The following PPP2R2A variants were observed in gnomAD, a reference collection of about 807,000 sequenced individuals.
PPP2R2A encodes protein phosphatase 2 regulatory subunit Balpha, also known as serine/threonine-protein phosphatase 2A 55 kDa regulatory subunit B alpha isoform.
A neutral mutation model predicts 53.2 loss-of-function variants in PPP2R2A; 9 were observed. That is an observed-to-expected ratio of 0.17 (90% CI 0.10 to 0.30). PPP2R2A has a LOEUF of 0.30. Among genes scored for constraint, PPP2R2A ranks in the 10% least tolerant of loss-of-function variants. The pLI is 1.00. For missense variants in PPP2R2A, 235 were observed against 534.6 expected, an observed-to-expected ratio of 0.44 and a Z score of 5.53; for synonymous variants, 169 against 174.2, an observed-to-expected ratio of 0.97 and a Z score of 0.23.
At chr8:26,293,967 C>T (rs1285937258) in intron 2 of PPP2R2A, 26 of 501,774 alleles carry the variant, frequency 5.2e-5, no homozygotes, top group Non-Finnish European at 8.2e-5. Context: ...ATGGAAGGAG[C>T]GGTAGATGAT....
At chr8:26,310,536 T>A (rs1479082790) in intron 2 of PPP2R2A, among the ~76,000 whole-genome samples, 3 of 152,072 alleles carry the variant, frequency 2.0e-5, no homozygotes. Flanking sequence ...GTATTTCATT[T>A]AGACATTTAG....
rs550860779 is a variant in PPP2R2A at position 26,362,268 on chromosome 8, G to A, written c.638-416G>A. The stretch of plus-strand genomic sequence containing the variant: ...GCACTTTGGGAGGCTGAGGCGAGGC[G>A]GATGGATCATGAGGTCAGGAGGTCG... On this transcript the variant is annotated intron_variant, in intron 6 of 9. Coordinates refer to ENST00000380737, the MANE Select transcript of PPP2R2A (RefSeq NM_002717.4). This position sits in a 1 kb window ranked among gnomAD's most constrained non-coding sequence, Gnocchi z 4.4. 2.6e-5 allele frequency among the ~76,000 whole-genome samples: 4 copies of A among 151,524 alleles called. No homozygotes were observed. The highest frequency in any genetic ancestry group is 4.4e-5 in the Non-Finnish European group (3 of 67,850).
At chr8:26,365,180 G>A (rs1805304515) in intron 8 of PPP2R2A, 1 of 152,080 alleles carries the variant, frequency 6.6e-6, no homozygotes, top group Non-Finnish European at 1.5e-5. Context: ...ATAAACAGTT[G>A]GAGTAGTGAT....
chr8:26,336,473 C>T (rs1016104067), intron 2 of PPP2R2A, among the ~76,000 whole-genome samples: 1 of 152,044 alleles, frequency 6.6e-6, no homozygotes, highest in Admixed American at 6.6e-5. Flanking sequence ...CACCCCACCC[C>T]TCAGTCTCAA....
In PPP2R2A at chr8:26,291,736, A is replaced by AC. The variant is rs1338406464; in HGVS notation, c.-77dup. 3.3e-5 allele frequency: 43 copies of AC among 1,309,960 alleles called. No individual in the cohort carries two copies. The highest frequency in any genetic ancestry group is 1.2e-4 in the South Asian group (7 of 57,498). 81.1% of individuals were successfully genotyped at this position (1,309,960 alleles called of 1,614,324 possible). A position where few individuals can be genotyped will look rare whatever the true frequency, so the allele number is the denominator to read the frequency against. ...CCATCCGCCGCCATCCGCCCTCTCT[A>AC]CCCCCCCATCCCCAGGTGAGGGGGG... On this transcript the variant is annotated 5_prime_UTR_variant, in exon 1 of 10. Coordinates refer to ENST00000380737, the MANE Select transcript of PPP2R2A (RefSeq NM_002717.4).
intron 2 of PPP2R2A, among the ~76,000 whole-genome samples, chr8:26,325,459 A>G (rs139821190): frequency 1.3e-5 from 2 of 152,028 alleles, no homozygotes; most frequent in African/African-American, 2.4e-5. Flanking sequence ...TTTCTTCCCA[A>G]TCTTGGGTAT....
At chr8:26,342,552 T>C (rs1282299145) in intron 3 of PPP2R2A, among the ~76,000 whole-genome samples, 1 of 152,154 alleles carries the variant, frequency 6.6e-6, no homozygotes, top group Non-Finnish European at 1.5e-5. Flanking sequence ...TCTGAGACTT[T>C]GTGATGTACC....
intron 2 of PPP2R2A, among the ~76,000 whole-genome samples, chr8:26,312,328 A>G (rs151028545): frequency 1.8e-4 from 28 of 152,352 alleles, no homozygotes; most frequent in African/African-American, 6.5e-4. Context: ...GTTAAAATAC[A>G]GATGATGATG....
At chr8:26,351,750 C>T (rs1804526275) in intron 3 of PPP2R2A, among the ~76,000 whole-genome samples, 1 of 152,136 alleles carries the variant, frequency 6.6e-6, no homozygotes, top group Non-Finnish European at 1.5e-5. Context: ...GTTTCTGGGC[C>T]ATCTGTTCTG....
intron 2 of PPP2R2A, among the ~76,000 whole-genome samples, chr8:26,327,746 T>C (rs896034560): frequency 1.3e-5 from 2 of 152,184 alleles, no homozygotes; most frequent in Non-Finnish European, 2.9e-5. Flanking sequence ...AAGAAATTGG[T>C]GCCTTTGAAA....
At chr8:26,343,566 T>A (rs973667955) in intron 3 of PPP2R2A, among the ~76,000 whole-genome samples, 4 of 152,064 alleles carry the variant, frequency 2.6e-5, no homozygotes, top group African/African-American at 9.7e-5. Flanking sequence ...GAGATGGGTT[T>A]TCACCATATT....
chr8:26,317,780 G>A (rs189969591), intron 2 of PPP2R2A, among the ~76,000 whole-genome samples: 25 of 152,248 alleles, frequency 1.6e-4, no homozygotes, highest in East Asian at 9.7e-4. Context: ...TCTCTCTCAC[G>A]TGACCATTGG....
intron 2 of PPP2R2A, among the ~76,000 whole-genome samples, chr8:26,330,070 A>AGC (rs1803289924): frequency 6.6e-6 from 1 of 152,134 alleles, no homozygotes; most frequent in East Asian, 1.9e-4. Flanking sequence ...CTTACGTTAG[A>AGC]GCACTTGATG....
chr8:26,358,876 A>T (rs190843632), intron 4 of PPP2R2A: 1 of 455,408 alleles, frequency 2.2e-6, no homozygotes, highest in African/African-American at 2.0e-5. Context: ...ACTCTTCCCT[A>T]CAGGGAGTAT....
chr8:26,307,765 A>C (rs1002128450), intron 2 of PPP2R2A, among the ~76,000 whole-genome samples: 3 of 152,204 alleles, frequency 2.0e-5, no homozygotes, highest in African/African-American at 2.4e-5. Context: ...ATCTCGTTTA[A>C]TCCTCTCACT....
In PPP2R2A at chr8:26,366,040, G is replaced by A. The variant is rs141083462; in HGVS notation, c.973-275G>A. On this transcript the variant is annotated intron_variant, in intron 8 of 9. Transcript: ENST00000380737. The stretch of plus-strand genomic sequence containing the variant: ...ACTGTGCCATTTTCAAGTGTTTTTG[G>A]CCTGAATGTTTTATTCAGGCTTATA... 3.8e-4 allele frequency: 114 copies of A among 301,264 alleles called. 1 individual carries two copies. The East Asian group carries it at 7.2e-3, about 19-fold the overall frequency. 18.7% of individuals were successfully genotyped at this position (301,264 alleles called of 1,614,324 possible).
intron 3 of PPP2R2A, among the ~76,000 whole-genome samples, chr8:26,340,615 A>G (rs551690495): frequency 5.3e-5 from 8 of 152,234 alleles, no homozygotes; most frequent in East Asian, 1.9e-4. Context: ...AAGTTTGTCA[A>G]TTAAAAGCTA....
intron 2 of PPP2R2A, among the ~76,000 whole-genome samples, chr8:26,327,415 C>T (rs1168951976): frequency 1.3e-5 from 2 of 152,110 alleles, no homozygotes; most frequent in East Asian, 1.9e-4. Context: ...GAACCTGTTC[C>T]CATCAGGAAC....
chr8:26,365,482 T>C (rs1377316583), intron 8 of PPP2R2A: 1 of 152,188 alleles, frequency 6.6e-6, no homozygotes, highest in East Asian at 1.9e-4. Context: ...TAGAGAATTC[T>C]AAGCATTTAG....
Sources: gnomAD v4.1 joint callset for allele counts (sites outside exome capture counted in the v4.1 genomes callset) on GRCh38, gnomAD v4.1.1 for gene constraint, Gnocchi (gnomAD v3.1) non-coding constraint, MANE v1.5 for transcripts, NCBI Gene and HGNC (gene_info 2026-07-23, HGNC 2026-07-21) for gene names.